The following MTA3 variants were observed in gnomAD, a reference collection of about 807,000 sequenced individuals.
MTA3 encodes the protein metastasis associated 1 family member 3, also known as metastasis-associated protein MTA3.
MTA3 carries 34 observed loss-of-function variants against 83.5 expected under a neutral mutation model. The ratio of observed to expected loss-of-function variants is 0.41; its 90% CI spans 0.31 to 0.54. MTA3 has a LOEUF of 0.54. Ranked by LOEUF, MTA3 falls within the 20% of genes least tolerant of loss-of-function variation. The pLI is 0.33. For synonymous variants in MTA3, 303 were observed against 252.7 expected, an observed-to-expected ratio of 1.20 and a Z score of -1.89; for missense variants, 761 against 726.4, an observed-to-expected ratio of 1.05 and a Z score of -0.55.
chr2:42,576,491 A>T (rs1377305005), intron 2 of MTA3, among the ~76,000 whole-genome samples: 1 of 152,218 alleles, frequency 6.6e-6, no homozygotes, highest in Non-Finnish European at 1.5e-5. Context: ...GAAGACAGGC[A>T]TGGTGGCTCA....
intron 16 of MTA3, among the ~76,000 whole-genome samples, chr2:42,743,757 C>T (rs1438808107): frequency 6.6e-6 from 1 of 152,032 alleles, no homozygotes; most frequent in Non-Finnish European, 1.5e-5. Context: ...CTGTTGGCAT[C>T]CCAACCCTGG....
At chr2:42,570,664 G>A (rs184968310) in intron 2 of MTA3, among the ~76,000 whole-genome samples, 160 bp downstream of exon 2, 1 of 152,226 alleles carries the variant, frequency 6.6e-6, no homozygotes, top group Admixed American at 6.5e-5. Context: ...TTGGAGACCA[G>A]CCTGTGCAAC....
chr2:42,638,679 TTGTTA>T (rs1275077753), intron 4 of MTA3, among the ~76,000 whole-genome samples: 3 of 149,274 alleles, frequency 2.0e-5, no homozygotes, highest in African/African-American at 7.4e-5. Context: ...CTTTTCAGTG[TTGTTA>T]TGTGTGCTAA....
chr2:42,507,007 G>C (rs1674664551), intron 2 of MTA3, among the ~76,000 whole-genome samples: 1 of 152,152 alleles, frequency 6.6e-6, no homozygotes, highest in Admixed American at 6.6e-5. Flanking sequence ...GGCTCAAGTG[G>C]CTTCTTCTCT....
chr2:42,607,182 G>C (rs776270104), intron 3 of MTA3, among the ~76,000 whole-genome samples: 30 of 151,988 alleles, frequency 2.0e-4, no homozygotes, highest in Middle Eastern at 6.8e-3. Context: ...AAGTAAAATA[G>C]GGTGGATACA....
intron 4 of MTA3, among the ~76,000 whole-genome samples, chr2:42,618,516 T>C (rs1685176537): frequency 6.6e-6 from 1 of 152,236 alleles, no homozygotes; most frequent in Non-Finnish European, 1.5e-5. Context: ...ATTGTTGACA[T>C]GTAGAAAATA....
intron 8 of MTA3, among the ~76,000 whole-genome samples, chr2:42,664,381 A>G (rs1403563186): frequency 2.0e-5 from 3 of 151,492 alleles, no homozygotes; most frequent in African/African-American, 7.3e-5. Context: ...TTAAATGAAA[A>G]TGGATTCATC....
intron 8 of MTA3, among the ~76,000 whole-genome samples, chr2:42,666,571 C>A (rs1006430256): frequency 6.6e-6 from 1 of 152,194 alleles, no homozygotes; most frequent in Non-Finnish European, 1.5e-5. Context: ...ACATAGTTAA[C>A]TCTGTTTAAA....
chr2:42,631,824 G>C (rs1686704168), intron 4 of MTA3, among the ~76,000 whole-genome samples: 1 of 151,852 alleles, frequency 6.6e-6, no homozygotes, highest in South Asian at 2.1e-4. Flanking sequence ...CAAGTAGCTG[G>C]GCTTACAGGT....
intron 9 of MTA3, among the ~76,000 whole-genome samples, chr2:42,693,514 C>A (rs952292573): frequency 6.6e-6 from 1 of 152,188 alleles, no homozygotes; most frequent in African/African-American, 2.4e-5. Context: ...CCTGTGGACA[C>A]CAACACCCAG....
At chr2:42,650,218 A>G (rs1020512500) in intron 6 of MTA3, among the ~76,000 whole-genome samples, 1 of 152,252 alleles carries the variant, frequency 6.6e-6, no homozygotes, top group Non-Finnish European at 1.5e-5. Context: ...GACAATATGT[A>G]GACATTTTAG....
At chr2:42,563,777 T>G (rs942378271), upstream of MTA3, among the ~76,000 whole-genome samples, 1 of 16,022 alleles carries the variant, frequency 6.2e-5, no homozygotes, top group African/African-American at 3.1e-4. Context: ...GGACCAAACA[T>G]TCCTTCCTTC....
At chr2:42,651,257 G>C (rs1212813258) in intron 6 of MTA3, among the ~76,000 whole-genome samples, 1 of 152,194 alleles carries the variant, frequency 6.6e-6, no homozygotes, top group Non-Finnish European at 1.5e-5. Flanking sequence ...CAGTGAGTGA[G>C]TGGTACGTGG....
rs1670102447 is a variant in MTA3, at chr2:42,754,435, C to T, written c.*1036C>T. The T allele has an allele frequency of 4.1e-6, 4 of 985,610 alleles. No individual in the cohort carries two copies. Among genetic ancestry groups the T allele is most frequent in the Non-Finnish European group, 4.8e-6 (4 of 830,078 alleles). 61.1% of individuals were successfully genotyped at this position (985,610 alleles called of 1,614,324 possible). A position where few individuals can be genotyped will look rare whatever the true frequency, so the allele number is the denominator to read the frequency against. On this transcript the variant is annotated 3_prime_UTR_variant, in exon 17 of 17. Coordinates refer to ENST00000405094, the MANE Select transcript of MTA3 (RefSeq NM_001330442.2). The stretch of plus-strand genomic sequence containing the variant: ...GTGACCTAGGCCCCGGGGGACCTGC[C>T]TGCTCCTTTGGCTTGGGCTCTTCGT...
intron 6 of MTA3, among the ~76,000 whole-genome samples, chr2:42,655,472 A>T (rs893419619): frequency 6.6e-6 from 1 of 152,106 alleles, no homozygotes; most frequent in East Asian, 1.9e-4. Flanking sequence ...ATTGTTTCTT[A>T]CCTAGCTTGA....
At chr2:42,628,772 CT>C (rs1362469763) in intron 4 of MTA3, among the ~76,000 whole-genome samples, 725 of 37,370 alleles carry the variant, frequency 0.019, 3 homozygotes, top group African/African-American at 0.057. Context: ...CATTTCCACC[CT>C]TTTTTTTTTT....
intron 2 of MTA3, among the ~76,000 whole-genome samples, chr2:42,532,052 G>A (rs542136801): frequency 1.6e-4 from 25 of 152,148 alleles, no homozygotes; most frequent in Non-Finnish European, 2.9e-4. Context: ...CACCACGCCC[G>A]ACCAAAATCC....
chr2:42,658,978 G>A (rs989782686), intron 7 of MTA3, among the ~76,000 whole-genome samples: 6 of 151,108 alleles, frequency 4.0e-5, no homozygotes, highest in African/African-American at 1.5e-4. Context: ...CATGCCTATA[G>A]TTACAGCTAC....
At chr2:42,655,101 C>T (rs1349381516) in intron 6 of MTA3, among the ~76,000 whole-genome samples, 2 of 152,192 alleles carry the variant, frequency 1.3e-5, no homozygotes, top group African/African-American at 2.4e-5. Flanking sequence ...CTATGTCTCT[C>T]TCTCTCCTTA....
Sources: gnomAD v4.1 joint callset for allele counts (sites outside exome capture counted in the v4.1 genomes callset) on GRCh38, gnomAD v4.1.1 for gene constraint, MANE v1.5 for transcripts, NCBI Gene and HGNC (gene_info 2026-07-23, HGNC 2026-07-21) for gene names.